Variants in RBMS3 observed in about 807,000 individuals in gnomAD.
RBMS3 encodes the protein RNA-binding motif, single-stranded-interacting protein 3.
RBMS3 carries 27 observed loss-of-function variants against 66.8 expected under a neutral mutation model. The ratio of observed to expected loss-of-function variants is 0.40; its 90% CI spans 0.30 to 0.56. The LOEUF (loss-of-function observed/expected upper bound fraction) is 0.56, where lower values mean the gene tolerates loss of function less well. Among genes scored for constraint, RBMS3 ranks in the 20% least tolerant of loss-of-function variants. The pLI, the probability that RBMS3 is intolerant of heterozygous loss-of-function variation, is 0.40. For synonymous variants in RBMS3, 188 were observed against 183.0 expected, an observed-to-expected ratio of 1.03 and a Z score of -0.22; for missense variants, 513 against 549.5, an observed-to-expected ratio of 0.93 and a Z score of 0.66.
At chr3:29,988,282 T>C (rs1432246297) in intron 13 of RBMS3, 59 bp downstream of exon 13, 3 of 1,400,850 alleles carry the variant, frequency 2.1e-6, no homozygotes, top group Non-Finnish European at 2.0e-6. Context: ...TCACATATAC[T>C]GTAGTCCCCC....
At chr3:29,411,351 T>G (rs2040258554) in intron 1 of RBMS3, among the ~76,000 whole-genome samples, 2 of 152,192 alleles carry the variant, frequency 1.3e-5, no homozygotes, top group Admixed American at 1.3e-4. Flanking sequence ...AAGATAGATA[T>G]TTCCTCTTTT....
At chr3:29,615,447 A>G (rs1209088550) in intron 4 of RBMS3, among the ~76,000 whole-genome samples, 1 of 151,568 alleles carries the variant, frequency 6.6e-6, no homozygotes, top group Non-Finnish European at 1.5e-5. Flanking sequence ...GATTATCTAT[A>G]TGAAGGACTT....
At chr3:29,505,515 TTTTGTTGTTTG>T (rs1245105815) in intron 3 of RBMS3, among the ~76,000 whole-genome samples, 3 of 119,086 alleles carry the variant, frequency 2.5e-5, no homozygotes, top group East Asian at 3.6e-4. Flanking sequence ...TGTTTTTTTT[TTTTGTTGTTTG>T]TTTGTTTGTT....
At chr3:29,946,779 C>T (rs1419335877) in intron 12 of RBMS3, among the ~76,000 whole-genome samples, 1 of 151,462 alleles carries the variant, frequency 6.6e-6, no homozygotes, top group Non-Finnish European at 1.5e-5. Flanking sequence ...CATGAGAAGG[C>T]CTATGAACAA....
chr3:29,993,885 G>C (rs1000202249), intron 14 of RBMS3, among the ~76,000 whole-genome samples: 4 of 152,194 alleles, frequency 2.6e-5, no homozygotes, highest in Non-Finnish European at 5.9e-5. Context: ...AATTGTGCAA[G>C]TCAATTTCTT....
chr3:29,821,907 CAG>C (rs1232482780), intron 6 of RBMS3, among the ~76,000 whole-genome samples: 1 of 152,138 alleles, frequency 6.6e-6, no homozygotes, highest in Non-Finnish European at 1.5e-5. Context: ...CATTAGAAAA[CAG>C]AAATCTGAAA....
intron 1 of RBMS3, among the ~76,000 whole-genome samples, chr3:29,403,631 T>A (rs772260134): frequency 6.6e-6 from 1 of 152,052 alleles, no homozygotes; most frequent in African/African-American, 2.4e-5. Context: ...TCGGAATCAC[T>A]GGAAAGATGA....
At chr3:29,826,250 T>C (rs1027564953) in intron 6 of RBMS3, among the ~76,000 whole-genome samples, 1 of 152,174 alleles carries the variant, frequency 6.6e-6, no homozygotes, top group Non-Finnish European at 1.5e-5. Flanking sequence ...AAGCTGTGAG[T>C]CTCCTATAGC....
At chr3:29,632,576 C>T (rs1440525) in intron 4 of RBMS3, among the ~76,000 whole-genome samples, 9,191 of 151,610 alleles carry the variant, frequency 0.061, 326 homozygotes, top group Non-Finnish European at 0.079. Context: ...TTGTGTGGGT[C>T]GCGTTTTTGA....
intron 3 of RBMS3, among the ~76,000 whole-genome samples, chr3:29,566,763 T>C (rs1399622980): frequency 1.3e-5 from 2 of 151,286 alleles, no homozygotes; most frequent in Admixed American, 6.6e-5. Context: ...TGTGTGGAGG[T>C]GGCTGCAAAG....
intron 1 of RBMS3, among the ~76,000 whole-genome samples, chr3:29,363,308 ACT>A (rs1220299805): frequency 3.9e-5 from 6 of 152,104 alleles, no homozygotes; most frequent in Non-Finnish European, 7.3e-5. Context: ...CTACTTTGTG[ACT>A]CAGTGCCTTT....
At chr3:29,738,231 TATG>T (rs1559621585) in intron 4 of RBMS3, among the ~76,000 whole-genome samples, 2 of 152,180 alleles carry the variant, frequency 1.3e-5, no homozygotes, top group Non-Finnish European at 2.9e-5. Flanking sequence ...TATCTAATAA[TATG>T]ATATCTTTTC....
intron 4 of RBMS3, among the ~76,000 whole-genome samples, chr3:29,704,045 C>G (rs1281192347): frequency 1.3e-5 from 2 of 152,220 alleles, no homozygotes; most frequent in African/African-American, 4.8e-5. Context: ...GTCACTGTCT[C>G]TCATCAACCC....
chr3:29,306,794 A>C (rs576697416), intron 1 of RBMS3, among the ~76,000 whole-genome samples: 15 of 151,904 alleles, frequency 9.9e-5, no homozygotes, highest in Non-Finnish European at 1.9e-4. Flanking sequence ...CTCCCGTTTG[A>C]CTGGAGTCTT....
At chr3:29,765,584 G>T (rs1236114567) in intron 6 of RBMS3, among the ~76,000 whole-genome samples, 1 of 151,910 alleles carries the variant, frequency 6.6e-6, no homozygotes, top group African/African-American at 2.4e-5. Flanking sequence ...TGGTTTTATA[G>T]AACTGCACAT....
In RBMS3 at chr3:29,587,173, A is replaced by G; in HGVS notation, c.367A>G (p.Lys123Glu). ...AAAQKAVASL[K>E]ANGVQAQMAK... ...CGCACAGAAAGCGGTAGCATCTCTC[A>G]AGGCAAATGGCGTGCAGGCACAGAT... The change falls in exon 4 of 15, where the codon AAG becomes GAG. Residue 123 changes from lysine (K) to glutamate (E), a missense_variant. Lys to Glu is a moderately conservative substitution (Grantham distance 56). Transcript: ENST00000383767. 1 of 1,604,372 alleles carries G rather than the reference A, an allele frequency of 6.2e-7. No homozygotes were observed. Among genetic ancestry groups the G allele is most frequent in the Non-Finnish European group, 8.5e-7 (1 of 1,176,196 alleles).
chr3:30,006,784 A>G lies in RBMS3; in HGVS notation c.*2922A>G, dbSNP rs1267466255. 6.6e-6 allele frequency: 1 copy of G among 152,024 alleles called. No homozygotes were observed. Among genetic ancestry groups the G allele is most frequent in the African/African-American group, 2.4e-5 (1 of 41,430 alleles). The allele number at this position is 152,024 out of a possible 1,614,324, so 9.4% of individuals were successfully genotyped here. A position where few individuals can be genotyped will look rare whatever the true frequency, so the allele number is the denominator to read the frequency against. On this transcript the variant is annotated 3_prime_UTR_variant, in exon 15 of 15. Coordinates refer to ENST00000383767, the MANE Select transcript of RBMS3 (RefSeq NM_001003793.3). ...GATACAAAGAAAGTCTCATTCACAC[A>G]ATCAACAATGAGGCTAAGAGGTAGC...
chr3:29,395,764 GAGA>G (rs1401771938), intron 1 of RBMS3, among the ~76,000 whole-genome samples: 3 of 152,170 alleles, frequency 2.0e-5, no homozygotes, highest in Non-Finnish European at 2.9e-5. Flanking sequence ...TTTAGATTCA[GAGA>G]AGGTCAGTGA....
At chr3:29,721,582 CT>C (rs1180561786) in intron 4 of RBMS3, among the ~76,000 whole-genome samples, 1 of 152,130 alleles carries the variant, frequency 6.6e-6, no homozygotes, top group Non-Finnish European at 1.5e-5. Context: ...GAAAACTGCC[CT>C]GTTTCAGGGT....
Sources: gnomAD v4.1 joint callset for allele counts (sites outside exome capture counted in the v4.1 genomes callset) on GRCh38, gnomAD v4.1.1 for gene constraint, MANE v1.5 for transcripts, NCBI Gene and HGNC (gene_info 2026-07-23, HGNC 2026-07-21) for gene names.